The following SLC9A9 variants were observed in gnomAD, a reference collection of about 807,000 sequenced individuals.
The protein encoded by SLC9A9 is solute carrier family 9 member A9.
A neutral mutation model predicts 77.8 loss-of-function variants in SLC9A9; 62 were observed. The ratio of observed to expected loss-of-function variants is 0.80; its 90% CI spans 0.65 to 0.98. SLC9A9 has a LOEUF of 0.98. Ranked by LOEUF, SLC9A9 falls within the 50% of genes least tolerant of loss-of-function variation. The pLI, the probability that SLC9A9 is intolerant of heterozygous loss-of-function variation, is 0.00. For synonymous variants in SLC9A9, 320 were observed against 283.5 expected (o/e 1.13, Z -1.29); for missense variants, 775 against 774.9 (o/e 1.00, Z 0.00).
intron 12 of SLC9A9, among the ~76,000 whole-genome samples, chr3:143,408,925 C>G (rs528386892): frequency 6.6e-6 from 1 of 152,084 alleles, no homozygotes; most frequent in African/African-American, 2.4e-5. Flanking sequence ...ACTGACTTTA[C>G]AAAAGATCTG....
At chr3:143,815,636 T>G (rs1347566058) in intron 2 of SLC9A9, among the ~76,000 whole-genome samples, 2 of 151,720 alleles carry the variant, frequency 1.3e-5, no homozygotes, top group Non-Finnish European at 2.9e-5. Flanking sequence ...GAGGCTGAGG[T>G]GGACGGATCA....
intron 9 of SLC9A9, among the ~76,000 whole-genome samples, chr3:143,547,988 A>G (rs533006072): frequency 6.6e-6 from 1 of 152,262 alleles, no homozygotes; most frequent in Non-Finnish European, 1.5e-5. Flanking sequence ...TGTTCAATGC[A>G]TGAATGGAAT....
At chr3:143,744,158 C>A (rs959699898) in intron 4 of SLC9A9, among the ~76,000 whole-genome samples, 1 of 152,052 alleles carries the variant, frequency 6.6e-6, no homozygotes, top group African/African-American at 2.4e-5. Context: ...TTTTTAGTGC[C>A]CCCCAGCTTT....
At chr3:143,829,370 C>T (rs2009378679) in intron 2 of SLC9A9, among the ~76,000 whole-genome samples, 1 of 152,244 alleles carries the variant, frequency 6.6e-6, no homozygotes, top group East Asian at 1.9e-4. Context: ...TCATGAAGCC[C>T]TCTTCAATTC....
Position 143,303,383 on chromosome 3 carries a change from T to G in SLC9A9, c.1605-34403A>C, listed in dbSNP as rs182063556. On this transcript the variant is annotated intron_variant, in intron 14 of 15. Transcript: ENST00000316549. ...TTTTCTTTTTCTTTTCTTTTTTTTT[T>G]TTTGAGGGAAGGAGGGAAGGAGGCA... 3.2e-3 allele frequency among the ~76,000 whole-genome samples: 489 copies of G among 151,602 alleles called. 2 individuals are homozygous for G. The highest frequency in any genetic ancestry group is 5.6e-3 in the Non-Finnish European group (382 of 67,750).
At chr3:143,783,904 TTTAGAAAAGTAAATA>T (rs1318679762) in intron 4 of SLC9A9, among the ~76,000 whole-genome samples, 3 of 152,326 alleles carry the variant, frequency 2.0e-5, no homozygotes, top group Admixed American at 6.5e-5. Flanking sequence ...CTTCAACTGT[TTTAGAAAAGTAAATA>T]AGATGCCAAT....
intron 6 of SLC9A9, among the ~76,000 whole-genome samples, chr3:143,583,350 C>T: frequency 6.6e-6 from 1 of 152,102 alleles, no homozygotes; most frequent in Non-Finnish European, 1.5e-5. Flanking sequence ...ATGAAGTATC[C>T]TAAATTCTTT....
chr3:143,415,261 G>C (rs1323226600), intron 12 of SLC9A9, among the ~76,000 whole-genome samples: 1 of 152,224 alleles, frequency 6.6e-6, no homozygotes, highest in Non-Finnish European at 1.5e-5. Flanking sequence ...CATTGATGAA[G>C]GTGGCTACAC....
chr3:143,584,437 C>T (rs2037508285), intron 6 of SLC9A9, among the ~76,000 whole-genome samples: 1 of 152,184 alleles, frequency 6.6e-6, no homozygotes, highest in African/African-American at 2.4e-5. Flanking sequence ...CCTTTGTTAA[C>T]ATGAAATCAA....
chr3:143,713,524 A>G (rs949434280), intron 4 of SLC9A9, among the ~76,000 whole-genome samples: 3 of 152,232 alleles, frequency 2.0e-5, no homozygotes, highest in African/African-American at 7.2e-5. Flanking sequence ...GATATTACAA[A>G]GAGTCAGAGC....
At chr3:143,613,034 A>G (rs2038047265) in intron 6 of SLC9A9, among the ~76,000 whole-genome samples, 1 of 152,196 alleles carries the variant, frequency 6.6e-6, no homozygotes, top group African/African-American at 2.4e-5. Flanking sequence ...CCTCCCAATA[A>G]CATACTGCTT....
At chr3:143,786,476 AC>A (rs1289370947) in intron 4 of SLC9A9, among the ~76,000 whole-genome samples, 1 of 152,156 alleles carries the variant, frequency 6.6e-6, no homozygotes, top group African/African-American at 2.4e-5. Flanking sequence ...GGTGAATGAT[AC>A]ACGGGCTCAC....
In SLC9A9 at chr3:143,739,584, G is replaced by A. The variant is rs1457401583; in HGVS notation, c.534-46277C>T. Reference sequence around the variant, plus strand: ...TCTTACTAGTCTTACTTTATTTTATGATCAATAACCACAATAAAAATAAGG... The same window carrying A: ...TCTTACTAGTCTTACTTTATTTTATAATCAATAACCACAATAAAAATAAGG... On this transcript the variant is annotated intron_variant, in intron 4 of 15. Coordinates refer to ENST00000316549, the MANE Select transcript of SLC9A9 (RefSeq NM_173653.4). 3.3e-5 allele frequency among the ~76,000 whole-genome samples: 5 copies of A among 152,106 alleles called. No individual in the cohort carries two copies. The South Asian group carries it at 1.0e-3, about 32-fold the overall frequency.
chr3:143,719,489 C>A (rs1212354149), intron 4 of SLC9A9, among the ~76,000 whole-genome samples: 1 of 152,086 alleles, frequency 6.6e-6, no homozygotes, highest in African/African-American at 2.4e-5. Context: ...GGATCCTCAG[C>A]ATTTAGTTGC....
intron 6 of SLC9A9, among the ~76,000 whole-genome samples, chr3:143,621,057 G>A (rs1257940010): frequency 1.3e-5 from 2 of 152,160 alleles, no homozygotes; most frequent in African/African-American, 4.8e-5. Flanking sequence ...AGGTGACAGC[G>A]AGGCTGGGGG....
chr3:143,371,800 T>G (rs953185116), intron 13 of SLC9A9, among the ~76,000 whole-genome samples: 1 of 152,158 alleles, frequency 6.6e-6, no homozygotes, highest in African/African-American at 2.4e-5. Context: ...GAGGATATGA[T>G]TGTACACCTA....
chr3:143,305,111 T>G (rs2030721087), intron 14 of SLC9A9, among the ~76,000 whole-genome samples: 1 of 152,186 alleles, frequency 6.6e-6, no homozygotes, highest in Admixed American at 6.5e-5. Context: ...AACTTCTATA[T>G]CAATATCTGT....
intron 14 of SLC9A9, among the ~76,000 whole-genome samples, chr3:143,304,744 G>A (rs551402405): frequency 6.6e-6 from 1 of 152,276 alleles, no homozygotes; most frequent in South Asian, 2.1e-4. Flanking sequence ...AATCCATCTT[G>A]TATTAGTTTT....
intron 14 of SLC9A9, among the ~76,000 whole-genome samples, chr3:143,323,044 G>A (rs1389657688): frequency 1.3e-5 from 2 of 152,170 alleles, no homozygotes; most frequent in Non-Finnish European, 2.9e-5. Context: ...TCTTGTTCCA[G>A]GCAGAGTGGC....
Sources: gnomAD v4.1 joint callset for allele counts (sites outside exome capture counted in the v4.1 genomes callset) on GRCh38, gnomAD v4.1.1 for gene constraint, MANE v1.5 for transcripts, NCBI Gene and HGNC (gene_info 2026-07-23, HGNC 2026-07-21) for gene names.